Variants in TCIRG1 observed in about 807,000 individuals in gnomAD.
TCIRG1 encodes the protein T cell immune regulator 1, ATPase H+ transporting V0 subunit a3.
In TCIRG1, 86 loss-of-function variants were observed where a neutral mutation model predicts 95.5. The observed-to-expected ratio is 0.90, with a 90% CI of 0.76 to 1.08. The LOEUF is 1.08. Ranked by LOEUF, TCIRG1 falls within the 50% of genes least tolerant of loss-of-function variation. TCIRG1 has a pLI of 0.00. For missense variants in TCIRG1, 1,069 were observed against 1,140.2 expected, an observed-to-expected ratio of 0.94 and a Z score of 0.90; for synonymous variants, 499 against 501.3, an observed-to-expected ratio of 1.00 and a Z score of 0.06.
At chr11:68,047,399 C>T (rs765579038) in intron 10 of TCIRG1, 34 bp from the exon 11 acceptor site, 93 of 1,612,282 alleles carry the variant, frequency 5.8e-5, no homozygotes, top group South Asian at 7.7e-5. Flanking sequence ...CTGGTGTGTT[C>T]GGGGGTTCCC....
rs1855559177 is a variant in TCIRG1, at chr11:68,047,464, G to T, written c.1197G>T (p.Leu399=). 6.2e-7 allele frequency: 1 copy of T among 1,614,032 alleles called. No individual in the cohort carries two copies. ...ACACCATCATCACCTTCCCCTTCCT[G>T]TTTGCTGTGATGTTCGGGGATGTGG... The part of the protein sequence containing the change: ...APYTIITFPF[L]FAVMFGDVGH... The change falls in exon 11 of 20, where the codon CTG becomes CTT. Residue 399 remains leucine, a synonymous_variant. Coordinates refer to ENST00000265686, the MANE Select transcript of TCIRG1 (RefSeq NM_006019.4).
At chr11:68,041,439 G>T (rs370255672) in intron 2 of TCIRG1, 51 bp downstream of exon 2, 17 of 1,362,890 alleles carry the variant, frequency 1.2e-5, no homozygotes, top group Non-Finnish European at 1.7e-5. Context: ...AGGTTAGCCC[G>T]GAGGCCGGTC....
In TCIRG1 at chr11:68,050,174, A is replaced by C. The variant is rs1855726015; in HGVS notation, c.2156A>C (p.His719Pro). 1 of 1,613,522 alleles carries C rather than the reference A, an allele frequency of 6.2e-7. No homozygotes were observed. Among genetic ancestry groups the C allele is most frequent in the Non-Finnish European group, 8.5e-7 (1 of 1,179,920 alleles). ...GAGGTGCTCATGCACCAGGCCATCCACACCATCGAGTTCTGCCTGGGCTGC... is the reference window on the plus strand; with the variant it reads ...GAGGTGCTCATGCACCAGGCCATCCCCACCATCGAGTTCTGCCTGGGCTGC... Reference protein sequence around the residue: ...PSEVLMHQAIHTIEFCLGCVS... With the variant: ...PSEVLMHQAIPTIEFCLGCVS... The change falls in exon 18 of 20, where the codon CAC becomes CCC. Residue 719 changes from histidine (H) to proline (P), a missense_variant. By Grantham distance (77) the His-to-Pro change is moderately conservative. Transcript: ENST00000265686.
In TCIRG1 at chr11:68,048,072, A is replaced by T. The variant is rs551765506; in HGVS notation, c.1554+100A>T. 17 of 1,049,524 alleles carry T rather than the reference A, an allele frequency of 1.6e-5. No individual in the cohort carries two copies. In the South Asian group the frequency reaches 2.2e-4, roughly 14 times the overall value. The allele number at this position is 1,049,524 out of a possible 1,614,324, so 65.0% of individuals were successfully genotyped here. ...CCGTCCTGCAGCGCTGTCGCTGAGC[A>T]CTCCTGTGTGCCAGGCCCTTTCCTC... On this transcript the variant is annotated intron_variant, in intron 13 of 19. Coordinates refer to ENST00000265686, the MANE Select transcript of TCIRG1 (RefSeq NM_006019.4).
In TCIRG1 at chr11:68,050,139, C is replaced by A. The variant is rs370572421; in HGVS notation, c.2121C>A (p.Leu707=). The A allele has an allele frequency of 6.2e-7, 1 of 1,613,120 alleles. No homozygotes were observed. Among genetic ancestry groups the A allele is most frequent in the Non-Finnish European group, 8.5e-7 (1 of 1,179,874 alleles). The change falls in exon 18 of 20, where the codon CTC becomes CTA. Residue 707 remains leucine (L), a splice_region_variant and synonymous_variant. Coordinates refer to ENST00000265686, the MANE Select transcript of TCIRG1 (RefSeq NM_006019.4). The stretch of plus-strand genomic sequence containing the variant: ...CCCTCACTGCACCCGCCCCGCAGCT[C>A]GTCCCCTCCGAGGTGCTCATGCACC... ...GGLDDEEEAE[L]VPSEVLMHQA...
At chr11:68,046,904 A>G (rs1383435049) in intron 10 of TCIRG1, 2 of 455,500 alleles carry the variant, frequency 4.4e-6, no homozygotes, top group Non-Finnish European at 8.8e-6. Flanking sequence ...TGGAGAACTT[A>G]TGAAGTGGTC....
intron 7 of TCIRG1, 53 bp from the exon 8 acceptor site, chr11:68,043,761 G>C: frequency 6.5e-7 from 1 of 1,544,576 alleles, no homozygotes; most frequent in Non-Finnish European, 8.8e-7. Context: ...TTCAGACTCA[G>C]AGTCTCGTAG....
At chr11:68,052,698 C>CTGAT (rs1199420389), downstream of TCIRG1, 1 of 152,624 alleles carries the variant, frequency 6.6e-6, no homozygotes, top group Non-Finnish European at 1.5e-5. Flanking sequence ...TGGAGGAGGG[C>CTGAT]TGATGATGGG....
chr11:68,043,231 C>T, intron 5 of TCIRG1, 140 bp from the exon 6 acceptor site: 2 of 1,474,696 alleles, frequency 1.4e-6, no homozygotes, highest in Non-Finnish European at 1.8e-6. Context: ...GCCCGGGAGG[C>T]CTCCTGCCTT....
downstream of TCIRG1, chr11:68,053,306 G>A (rs1382228501): frequency 6.6e-6 from 1 of 152,340 alleles, no homozygotes; most frequent in African/African-American, 2.4e-5. Flanking sequence ...AGGAAGGGCA[G>A]GGGAGAAGTC....
intron 2 of TCIRG1, 32 bp from the exon 3 acceptor site, chr11:68,041,721 G>A (rs367914180): frequency 3.8e-5 from 60 of 1,585,316 alleles, no homozygotes; most frequent in African/African-American, 2.0e-4. Flanking sequence ...CCCCCTTCCC[G>A]GGACACTCAC....
rs773402451 is a variant in TCIRG1 at position 68,044,315 on chromosome 11, G to C, written c.991G>C (p.Ala331Pro). 1 of 1,598,396 alleles carries C rather than the reference G, an allele frequency of 6.3e-7. No individual in the cohort carries two copies. The highest frequency in any genetic ancestry group is 2.3e-5 in the East Asian group (1 of 44,274). ...CTGGTGCTCTGTGCGAGACCTGCCCGCCCTGCAGGAGGCCCTGCGGGACAG... is the reference window on the plus strand; with the variant it reads ...CTGGTGCTCTGTGCGAGACCTGCCCCCCCTGCAGGAGGCCCTGCGGGACAG... ...EAWCSVRDLP[A>P]LQEALRDSSM... is the part of the protein sequence containing the mutation. The change falls in exon 9 of 20, where the codon GCC becomes CCC. Residue 331 changes from alanine (A) to proline (P), a missense_variant. Physicochemically the swap from Ala to Pro is conservative, Grantham distance 27. Coordinates refer to ENST00000265686, the MANE Select transcript of TCIRG1 (RefSeq NM_006019.4).
At position 68,043,798 on chromosome 11, in the gene TCIRG1, C is replaced by A. The variant is rs1391811353; in HGVS notation, c.714-16C>A. On this transcript the variant is annotated splice_polypyrimidine_tract_variant and intron_variant, in intron 7 of 19. Transcript: ENST00000265686. ...TGTGTCCTTCTGGCCCCTCACGCAG[C>A]GCATCCTCCCTCCAGCTTCCACTGC... 6.4e-7 allele frequency: 1 copy of A among 1,556,184 alleles called. No homozygotes were observed. The highest frequency in any genetic ancestry group is 8.7e-7 in the Non-Finnish European group (1 of 1,149,744).
Position 68,044,246 on chromosome 11 carries a change from C to CAG in TCIRG1, c.923_924dup (p.Cys309SerfsTer4), listed in dbSNP as rs1279005900. The CAG allele has an allele frequency of 6.2e-7, 1 of 1,600,758 alleles. No homozygotes were observed. The highest frequency in any genetic ancestry group is 8.5e-7 in the Non-Finnish European group (1 of 1,175,414). ...GAAGGCCGTGTACCTGGCCCTGAAC[C>CAG]AGTGCAGCGTGAGCACCACGCACAA... On this transcript the variant is annotated frameshift_variant, in exon 9 of 20. Coordinates refer to ENST00000265686, the MANE Select transcript of TCIRG1 (RefSeq NM_006019.4). LOFTEE classifies it high-confidence loss of function.
rs573145198 is a variant in TCIRG1, at chr11:68,045,087, C to G, written c.1150C>G (p.Gln384Glu). 5.0e-6 allele frequency: 8 copies of G among 1,601,996 alleles called. No homozygotes were observed. The highest frequency in any genetic ancestry group is 5.9e-6 in the Non-Finnish European group (7 of 1,179,972). Reference sequence around the variant, plus strand: ...GGATGCCTACGGCGTGGGCCGCTACCAGGAGGTCAACCCCGGTGAGAGCCA... The same window carrying G: ...GGATGCCTACGGCGTGGGCCGCTACGAGGAGGTCAACCCCGGTGAGAGCCA... ...IVDAYGVGRYQEVNPAPYTII... is the reference protein window; with the variant it reads ...IVDAYGVGRYEEVNPAPYTII... Residue 384 changes from glutamine to glutamate, a missense_variant, in exon 10 of 20, where the codon CAG becomes GAG. Coordinates refer to ENST00000265686, the MANE Select transcript of TCIRG1 (RefSeq NM_006019.4).
In TCIRG1 at chr11:68,042,844, G is replaced by A. The variant is rs201233914; in HGVS notation, c.398G>A (p.Arg133His). 5.3e-5 allele frequency: 82 copies of A among 1,549,364 alleles called. No homozygotes were observed. The highest frequency in any genetic ancestry group is 6.5e-5 in the Non-Finnish European group (74 of 1,146,394). ...CTGCAGCTCCACGCCGCCGTGCTAC[G>A]CCAGGGCCATGAACCTCAGGTCAGC... ...HQLQLHAAVL[R>H]QGHEPQLAAA... is the part of the protein sequence containing the mutation. Residue 133 changes from arginine to histidine, a missense_variant, in exon 4 of 20, where the codon CGC (arginine) becomes CAC (histidine). Transcript: ENST00000265686.
downstream of TCIRG1, among the ~76,000 whole-genome samples, chr11:68,051,562 A>G (rs1855796458): frequency 6.6e-6 from 1 of 152,236 alleles, no homozygotes; most frequent in South Asian, 2.1e-4. Context: ...AACAAGCTGC[A>G]AAGTGGTTCT....
rs377606178 is a variant in TCIRG1 at position 68,050,127 on chromosome 11, C to G, written c.2119-10C>G. 2.5e-6 allele frequency: 4 copies of G among 1,612,744 alleles called. No individual in the cohort carries two copies. ...AGGCCCTGCCGGCCCTCACTGCACC[C>G]GCCCCGCAGCTCGTCCCCTCCGAGG... is the stretch of plus-strand genomic sequence containing the variant. On this transcript the variant is annotated splice_polypyrimidine_tract_variant and intron_variant, in intron 17 of 19. Transcript: ENST00000265686.
rs1855660636 is a variant in TCIRG1 at position 68,049,184 on chromosome 11, CTG to C, written c.1783_1784del (p.Val595LeufsTer74). The part of the protein sequence containing the change: ...YLVFLVIYKW[L>X]CVWAARAASA... The stretch of plus-strand genomic sequence containing the variant: ...CGTGTTCCTAGTCATCTACAAGTGG[CTG>C]TGTGTCTGGGCTGCCAGGGCCGCCT... On this transcript the variant is annotated frameshift_variant, in exon 15 of 20. Transcript: ENST00000265686. LOFTEE classifies it high-confidence loss of function. 1 of 1,613,992 alleles carries C rather than the reference CTG, an allele frequency of 6.2e-7. No homozygotes were observed. The highest frequency in any genetic ancestry group is 8.5e-7 in the Non-Finnish European group (1 of 1,180,012).
Sources: allele counts gnomAD v4.1 joint callset (sites outside exome capture counted in the v4.1 genomes callset), GRCh38; gene constraint gnomAD v4.1.1; transcripts MANE v1.5; gene names NCBI Gene and HGNC (gene_info 2026-07-23, HGNC 2026-07-21).